The following GALNT8 variants were observed in gnomAD, a reference collection of about 807,000 sequenced individuals.
GALNT8 encodes polypeptide N-acetylgalactosaminyltransferase 8.
Under a neutral mutation model 62.7 loss-of-function variants are expected in GALNT8, and 66 were observed. The ratio of observed to expected loss-of-function variants is 1.05; its 90% CI spans 0.86 to 1.29. GALNT8 has a LOEUF of 1.29. Among genes scored for constraint, GALNT8 ranks in the 50% most tolerant of loss-of-function variants. GALNT8 has a pLI of 0.00. For missense variants in GALNT8, 771 were observed against 791.8 expected (o/e 0.97, Z 0.32); for synonymous variants, 288 against 294.3 (o/e 0.98, Z 0.22).
chr12:4,737,104 G>A (rs981986064), intron 2 of GALNT8, among the ~76,000 whole-genome samples: 1 of 152,076 alleles, frequency 6.6e-6, no homozygotes. Context: ...TCATTTTCTG[G>A]TCTGGCTTTT....
chr12:4,755,119 T>G (rs898651102), intron 6 of GALNT8, among the ~76,000 whole-genome samples: 1 of 152,214 alleles, frequency 6.6e-6, no homozygotes, highest in African/African-American at 2.4e-5. Flanking sequence ...CAGTAGGTTG[T>G]GTGACCTGCC....
At chr12:4,730,439 G>A (rs188834316) in intron 2 of GALNT8, among the ~76,000 whole-genome samples, 146 of 152,210 alleles carry the variant, frequency 9.6e-4, no homozygotes, top group Non-Finnish European at 1.6e-3. Flanking sequence ...TGGGTATTCC[G>A]TTTTCCCAAA....
intron 1 of GALNT8, among the ~76,000 whole-genome samples, chr12:4,724,915 T>C (rs995993359): frequency 2.0e-5 from 3 of 152,202 alleles, no homozygotes; most frequent in Admixed American, 1.3e-4. Context: ...TGCCAAGCCA[T>C]GTGCTGTGGC....
intron 6 of GALNT8, among the ~76,000 whole-genome samples, chr12:4,748,764 G>A (rs557429503): frequency 3.3e-5 from 5 of 151,760 alleles, no homozygotes; most frequent in East Asian, 1.9e-4. Flanking sequence ...GAAGAATGGT[G>A]TTTTGATAGG....
intron 6 of GALNT8, among the ~76,000 whole-genome samples, chr12:4,756,837 A>G (rs1291027945): frequency 2.0e-5 from 3 of 152,174 alleles, no homozygotes; most frequent in Non-Finnish European, 4.4e-5. Flanking sequence ...TTGGCAGAGA[A>G]AACTAACCTT....
chr12:4,746,739 C>T (rs761142392), intron 6 of GALNT8, among the ~76,000 whole-genome samples: 6 of 152,082 alleles, frequency 3.9e-5, no homozygotes, highest in Non-Finnish European at 7.4e-5. Context: ...GACAAATAGC[C>T]AGGTTTTTAT....
At chr12:4,739,404 CT>C in intron 3 of GALNT8, 75 bp downstream of exon 3, 1 of 1,295,408 alleles carries the variant, frequency 7.7e-7, no homozygotes, top group Non-Finnish European at 1.1e-6. Context: ...GAGGTTTTGG[CT>C]TAGAGTTTAG....
chr12:4,754,750 A>G (rs1340800254), intron 6 of GALNT8, among the ~76,000 whole-genome samples: 1 of 152,024 alleles, frequency 6.6e-6, no homozygotes, highest in Admixed American at 6.6e-5. Flanking sequence ...ACGGCCCTCA[A>G]TGTAGTATTG....
At chr12:4,763,909 C>G in intron 8 of GALNT8, 43 bp from the exon 9 acceptor site, 1 of 1,010,098 alleles carries the variant, frequency 9.9e-7, no homozygotes, top group Non-Finnish European at 1.6e-6. Flanking sequence ...GCCTCATTCT[C>G]TGTCCTTTCT....
At chr12:4,772,154 C>T (rs764610311) in intron 10 of GALNT8, among the ~76,000 whole-genome samples, 3 of 152,214 alleles carry the variant, frequency 2.0e-5, no homozygotes, top group African/African-American at 4.8e-5. Context: ...CAGATGCCTT[C>T]GTTCCATGGT....
At chr12:4,739,069 C>T (rs1022811850) in intron 2 of GALNT8, 94 bp from the exon 3 acceptor site, 29 of 691,714 alleles carry the variant, frequency 4.2e-5, no homozygotes, top group Non-Finnish European at 6.3e-5. Flanking sequence ...ATGAATTGGT[C>T]GATATAACAT....
chr12:4,721,018 C>T (rs1946165408), intron 1 of GALNT8, 130 bp downstream of exon 1: 1 of 646,962 alleles, frequency 1.5e-6, no homozygotes, highest in Non-Finnish European at 2.8e-6. Context: ...ATTGAAGCAT[C>T]TGACACTGAA....
intron 3 of GALNT8, among the ~76,000 whole-genome samples, chr12:4,743,654 C>G (rs1200271624): frequency 1.3e-5 from 2 of 152,112 alleles, no homozygotes; most frequent in African/African-American, 4.8e-5. Flanking sequence ...CCAGGGCGTG[C>G]CACTTACTAG....
chr12:4,750,542 C>T (rs966999673), intron 6 of GALNT8, among the ~76,000 whole-genome samples: 7 of 152,050 alleles, frequency 4.6e-5, no homozygotes, highest in East Asian at 1.9e-4. Flanking sequence ...TATGGCTGCA[C>T]GGTATTCCTT....
chr12:4,720,701 C>G lies in GALNT8; in HGVS notation c.24C>G (p.Pro8=), dbSNP rs1946162269. 3 of 1,612,760 alleles carry G rather than the reference C, an allele frequency of 1.9e-6. No homozygotes were observed. In the East Asian group the frequency reaches 6.7e-5, roughly 36 times the overall value. The change falls in exon 1 of 11, where the codon CCC becomes CCG. Residue 8 remains proline, a synonymous_variant. Coordinates refer to ENST00000252318, the MANE Select transcript of GALNT8 (RefSeq NM_017417.2). The stretch of plus-strand genomic sequence containing the variant: ...AGATGATGTTTTGGAGGAAACTCCC[C>G]AAAGCCCTCTTCATTGGGCTGACTC... The part of the protein sequence containing the change: MMFWRKL[P]KALFIGLTLA...
rs571240678 is a variant in GALNT8, at chr12:4,730,131, G to A, written c.509+3302G>A. Among the ~76,000 whole-genome samples, 7 of 151,730 alleles carry A rather than the reference G, an allele frequency of 4.6e-5. No individual in the cohort carries two copies. In the East Asian group the frequency reaches 1.2e-3, roughly 25 times the overall value. ...GATATTAACTTCTTATTAAATATAT[G>A]GTTTGCAAATATTTCCTCTCATTCT... On this transcript the variant is annotated intron_variant, in intron 2 of 10. Transcript: ENST00000252318.
At chr12:4,735,759 A>G (rs1946241829) in intron 2 of GALNT8, among the ~76,000 whole-genome samples, 1 of 152,126 alleles carries the variant, frequency 6.6e-6, no homozygotes, top group Non-Finnish European at 1.5e-5. Flanking sequence ...CCTTCCCCCC[A>G]GCCCACGTCT....
At chr12:4,769,089 A>C (rs1019948130) in intron 10 of GALNT8, among the ~76,000 whole-genome samples, 5 of 152,202 alleles carry the variant, frequency 3.3e-5, no homozygotes, top group Non-Finnish European at 1.5e-5. Flanking sequence ...GCACAGCGTT[A>C]AGATAGTGTG....
chr12:4,752,930 A>G (rs979637127), intron 6 of GALNT8, among the ~76,000 whole-genome samples: 1 of 152,040 alleles, frequency 6.6e-6, no homozygotes, highest in Non-Finnish European at 1.5e-5. Context: ...TCTGAAGGAT[A>G]TTTTCACTGT....
Sources: allele counts gnomAD v4.1 joint callset (sites outside exome capture counted in the v4.1 genomes callset), GRCh38; gene constraint gnomAD v4.1.1; transcripts MANE v1.5; gene names NCBI Gene and HGNC (gene_info 2026-07-23, HGNC 2026-07-21).